The following PLA2R1 variants were observed in gnomAD, a reference collection of about 807,000 sequenced individuals.
PLA2R1 encodes secretory phospholipase A2 receptor.
In PLA2R1, 158 loss-of-function variants were observed where a neutral mutation model predicts 195.9. The ratio of observed to expected loss-of-function variants is 0.81; its 90% confidence interval spans 0.71 to 0.92. The LOEUF (loss-of-function observed/expected upper bound fraction) is 0.92, where lower values mean the gene tolerates loss of function less well. Among genes scored for constraint, PLA2R1 ranks in the 40% least tolerant of loss-of-function variants. The pLI, the probability that PLA2R1 is intolerant of heterozygous loss-of-function variation, is 0.00. For synonymous variants in PLA2R1, 586 were observed against 598.2 expected, an observed-to-expected ratio of 0.98 and a Z score of 0.30; for missense variants, 1,626 against 1,764.6, an observed-to-expected ratio of 0.92 and a Z score of 1.41.
chr2:159,987,060 A>G, intron 12 of PLA2R1, 96 bp downstream of exon 12: 1 of 929,818 alleles, frequency 1.1e-6, no homozygotes, highest in Non-Finnish European at 1.7e-6. Flanking sequence ...TGTTCTGGAA[A>G]AAAAAAGGGC....
intron 11 of PLA2R1, among the ~76,000 whole-genome samples, chr2:159,995,317 C>A (rs953912518): frequency 3.3e-5 from 5 of 152,040 alleles, no homozygotes; most frequent in African/African-American, 1.2e-4. Flanking sequence ...AGAAAAAGAG[C>A]AGTGTCACTC....
intron 1 of PLA2R1, among the ~76,000 whole-genome samples, chr2:160,060,400 T>C (rs1277492746): frequency 6.6e-6 from 1 of 152,208 alleles, no homozygotes. Context: ...TTCCATTTTG[T>C]ATTGACAGTA....
chr2:159,949,531 A>G (rs1687593491), intron 25 of PLA2R1, 77 bp downstream of exon 25: 1 of 1,056,344 alleles, frequency 9.5e-7, no homozygotes, highest in African/African-American at 1.6e-5. Context: ...TCATCCTCAT[A>G]TCCTTTGCTT....
chr2:159,985,952 T>C (rs1014940374), intron 12 of PLA2R1, among the ~76,000 whole-genome samples: 1 of 152,106 alleles, frequency 6.6e-6, no homozygotes, highest in Non-Finnish European at 1.5e-5. Context: ...GTAATACTTT[T>C]GCTCAGTGAT....
In PLA2R1 at chr2:160,045,114, G is replaced by T; in HGVS notation, c.153C>A (p.Cys51Ter). 5.0e-6 allele frequency: 8 copies of T among 1,610,214 alleles called. No individual in the cohort carries two copies. The highest frequency in any genetic ancestry group is 6.8e-6 in the Non-Finnish European group (8 of 1,176,710). The change falls in exon 2 of 30, where the codon TGC (cysteine) becomes TGA (stop). Residue 51 changes from cysteine (C) to a stop codon, truncating the protein, a stop_gained. Transcript: ENST00000283243. LOFTEE classifies it high-confidence loss of function. The stretch of plus-strand genomic sequence containing the variant: ...TCAGAACCGATTTACCTGCTTGAAT[G>T]CATTTCTTGAGACTCTCACTTTGGA... ...FVIQSESLKK[C>*]IQAGKSVLTL...
At chr2:160,052,642 C>A (rs1054805773) in intron 1 of PLA2R1, among the ~76,000 whole-genome samples, 1 of 152,190 alleles carries the variant, frequency 6.6e-6, no homozygotes, top group Non-Finnish European at 1.5e-5. Context: ...TGCCTCATTA[C>A]AAAGTGCAAG....
chr2:160,026,651 C>T (rs1693542043), intron 6 of PLA2R1, among the ~76,000 whole-genome samples: 1 of 152,118 alleles, frequency 6.6e-6, no homozygotes, highest in South Asian at 2.1e-4. Context: ...AACGAGGTGC[C>T]TCCATTAAGA....
rs577493976 is a variant in PLA2R1, at chr2:159,982,661, T to G, written c.2183+1267A>C. ...AAACTCCCAGCTTTAAGGTCATTGC[T>G]GTAGATGTGGAAGATGAATAATCTG... On this transcript the variant is annotated intron_variant, in intron 13 of 29. Transcript: ENST00000283243. Among the ~76,000 whole-genome samples, 52 of 152,312 alleles carry G rather than the reference T, an allele frequency of 3.4e-4. 1 individual carries two copies. The South Asian group carries it at 7.5e-3, about 22-fold the overall frequency.
At chr2:159,959,985 G>A (rs1448550988) in intron 20 of PLA2R1, among the ~76,000 whole-genome samples, 1 of 152,062 alleles carries the variant, frequency 6.6e-6, no homozygotes, top group African/African-American at 2.4e-5. Context: ...ACTACATCTA[G>A]AGTAACTTTT....
At chr2:160,016,263 C>A (rs1346874288) in intron 9 of PLA2R1, among the ~76,000 whole-genome samples, 399 of 102,992 alleles carry the variant, frequency 3.9e-3, no homozygotes, top group East Asian at 5.6e-3. Flanking sequence ...GACTCTGTCT[C>A]AAAAAAAAAA....
chr2:160,052,388 G>A (rs1315068904), intron 1 of PLA2R1, among the ~76,000 whole-genome samples: 1 of 152,194 alleles, frequency 6.6e-6, no homozygotes, highest in Non-Finnish European at 1.5e-5. Flanking sequence ...AGCAGTTGCT[G>A]ACCCTGGCAG....
At chr2:159,955,453 T>C in intron 22 of PLA2R1, 107 bp from the exon 23 acceptor site, 1 of 680,236 alleles carries the variant, frequency 1.5e-6, no homozygotes. Context: ...CATTATTCCT[T>C]TATTCGCATT....
At chr2:159,961,040 T>A (rs1363079183) in intron 20 of PLA2R1, among the ~76,000 whole-genome samples, 2 of 152,200 alleles carry the variant, frequency 1.3e-5, no homozygotes, top group African/African-American at 2.4e-5. Flanking sequence ...ACTCTCCTAT[T>A]AACAGTTTTT....
At chr2:159,931,769 A>C (rs886468702), downstream of PLA2R1, among the ~76,000 whole-genome samples, 9 of 152,170 alleles carry the variant, frequency 5.9e-5, no homozygotes, top group African/African-American at 2.2e-4. Context: ...ATTGTGAACA[A>C]CACCTTATAG....
chr2:160,015,922 C>G (rs937873477), intron 9 of PLA2R1, among the ~76,000 whole-genome samples: 4 of 152,210 alleles, frequency 2.6e-5, no homozygotes, highest in Non-Finnish European at 5.9e-5. Flanking sequence ...GCATAGTTCA[C>G]TCTGACTCAG....
intron 1 of PLA2R1, 101 bp from the exon 2 acceptor site, chr2:160,045,258 G>T (rs1053174303): frequency 1.1e-6 from 1 of 873,294 alleles, no homozygotes; most frequent in Non-Finnish European, 1.8e-6. Context: ...TGCGACAGTT[G>T]CCAGCCATTT....
intron 11 of PLA2R1, among the ~76,000 whole-genome samples, chr2:160,004,147 C>T (rs1055795341): frequency 6.6e-6 from 1 of 152,188 alleles, no homozygotes; most frequent in Non-Finnish European, 1.5e-5. Flanking sequence ...AGTACTTCCA[C>T]ATTTTACTTA....
At position 160,062,487 on chromosome 2, in the gene PLA2R1, C is replaced by T. The variant is rs1473226974; in HGVS notation, c.-84G>A. 1 of 1,434,204 alleles carries T rather than the reference C, an allele frequency of 7.0e-7. No individual in the cohort carries two copies. The highest frequency in any genetic ancestry group is 9.1e-7 in the Non-Finnish European group (1 of 1,098,528). 88.8% of individuals were successfully genotyped at this position (1,434,204 alleles called of 1,614,324 possible). A position where few individuals can be genotyped will look rare whatever the true frequency, so the allele number is the denominator to read the frequency against. On this transcript the variant is annotated 5_prime_UTR_variant, in exon 1 of 30. Coordinates refer to ENST00000283243, the MANE Select transcript of PLA2R1 (RefSeq NM_007366.5). ...CCAGAGCCGCGTCCCAAGCACCCGGCCCCGCCGCGCGGAAGCGGATCCGTA... is the reference window on the plus strand; with the variant it reads ...CCAGAGCCGCGTCCCAAGCACCCGGTCCCGCCGCGCGGAAGCGGATCCGTA...
chr2:159,927,680 C>T (rs1247808213), downstream of PLA2R1, among the ~76,000 whole-genome samples: 1 of 152,078 alleles, frequency 6.6e-6, no homozygotes, highest in African/African-American at 2.4e-5. Context: ...TCCCAGGTAT[C>T]TGAGTCAGGT....
Sources: allele counts gnomAD v4.1 joint callset (sites outside exome capture counted in the v4.1 genomes callset), GRCh38; gene constraint gnomAD v4.1.1; transcripts MANE v1.5; gene names NCBI Gene and HGNC (gene_info 2026-07-23, HGNC 2026-07-21).